Variants in HS3ST4 observed in about 807,000 individuals in gnomAD.
HS3ST4 encodes heparan sulfate glucosamine 3-O-sulfotransferase 4.
A neutral mutation model predicts 29.2 loss-of-function variants in HS3ST4; 17 were observed. The ratio of observed to expected loss-of-function variants is 0.58; its 90% CI spans 0.40 to 0.87. The LOEUF (loss-of-function observed/expected upper bound fraction) is 0.87. Among genes scored for constraint, HS3ST4 ranks in the 40% least tolerant of loss-of-function variants. The pLI, the probability that HS3ST4 is intolerant of heterozygous loss-of-function variation, is 0.00. For synonymous variants in HS3ST4, 314 were observed against 285.7 expected, an observed-to-expected ratio of 1.10 and a Z score of -1.00; for missense variants, 627 against 634.5, an observed-to-expected ratio of 0.99 and a Z score of 0.13.
intron 1 of HS3ST4, among the ~76,000 whole-genome samples, chr16:25,799,191 T>C (rs1260397083): frequency 6.6e-6 from 1 of 152,178 alleles, no homozygotes; most frequent in East Asian, 1.9e-4. Context: ...TGGAAGTGGA[T>C]GGAGGTGTTG....
chr16:25,967,404 T>A (rs10468239), intron 1 of HS3ST4, among the ~76,000 whole-genome samples: 3 of 151,988 alleles, frequency 2.0e-5, no homozygotes, highest in African/African-American at 7.3e-5. Context: ...TCCGCCCACC[T>A]CAGTCTCCCC....
intron 1 of HS3ST4, among the ~76,000 whole-genome samples, chr16:26,120,065 G>GTA (rs58484163): frequency 0.26 from 34,804 of 133,870 alleles, 4,020 homozygotes; most frequent in South Asian, 0.35. Flanking sequence ...GTGTGTGTGT[G>GTA]TGTGTATGTG....
intron 1 of HS3ST4, among the ~76,000 whole-genome samples, chr16:25,976,137 T>A (rs1029104832): frequency 6.6e-6 from 1 of 152,228 alleles, no homozygotes; most frequent in African/African-American, 2.4e-5. Flanking sequence ...GCAATGAATT[T>A]TAAACATTTG....
chr16:25,734,929 A>G (rs754234307), intron 1 of HS3ST4, among the ~76,000 whole-genome samples: 1 of 152,194 alleles, frequency 6.6e-6, no homozygotes, highest in Non-Finnish European at 1.5e-5. Context: ...CACCTGTGCC[A>G]GGCTGTGAGT....
intron 1 of HS3ST4, among the ~76,000 whole-genome samples, chr16:25,828,301 C>T (rs1048388252): frequency 0.11 from 3,534 of 32,486 alleles, 293 homozygotes; most frequent in Middle Eastern, 0.14. Context: ...TCTTTCTTTC[C>T]CTCTCTCTCT....
chr16:25,692,594 G>A lies in HS3ST4; in HGVS notation c.177G>A (p.Leu59=). Residue 59 remains leucine (L), a synonymous_variant, in exon 1 of 2, where the codon CTG becomes CTA. Transcript: ENST00000331351. ...CYSLLGGSGS[L]QFPLALQESP... is the part of the protein sequence containing the mutation. ...GCCTCCTGGGCGGCTCGGGCTCCCT[G>A]CAATTCCCTCTGGCGCTGCAGGAGT... 1 of 1,411,564 alleles carries A rather than the reference G, an allele frequency of 7.1e-7. No individual in the cohort carries two copies. The highest frequency in any genetic ancestry group is 1.4e-5 in the South Asian group (1 of 72,738). The allele number at this position is 1,411,564 out of a possible 1,614,324, so 87.4% of individuals were successfully genotyped here.
At chr16:25,904,107 A>AATGGATGGATGGATGG (rs146106307) in intron 1 of HS3ST4, among the ~76,000 whole-genome samples, 1 of 142,482 alleles carries the variant, frequency 7.0e-6, no homozygotes, top group Non-Finnish European at 1.5e-5. Flanking sequence ...TGAATGGATG[A>AATGGATGGATGGATGG]ATGGATGGAT....
chr16:25,779,909 G>A (rs1285239852), intron 1 of HS3ST4, among the ~76,000 whole-genome samples: 5 of 152,200 alleles, frequency 3.3e-5, no homozygotes, highest in Non-Finnish European at 7.3e-5. Context: ...GGCACGCTGC[G>A]GATTTATGGC....
chr16:25,914,005 G>A (rs1488486988), intron 1 of HS3ST4, among the ~76,000 whole-genome samples: 1 of 148,082 alleles, frequency 6.8e-6, no homozygotes, highest in Non-Finnish European at 1.5e-5. Context: ...GGAGGTGTAT[G>A]TGTGTGTATG....
intron 1 of HS3ST4, among the ~76,000 whole-genome samples, chr16:25,850,001 C>CT (rs11342321): frequency 0.29 from 38,503 of 133,742 alleles, 5,855 homozygotes; most frequent in Admixed American, 0.33. Flanking sequence ...GCCTAGATGC[C>CT]TTTTTTTTTT....
intron 1 of HS3ST4, among the ~76,000 whole-genome samples, chr16:25,859,770 A>G (rs981476163): frequency 1.1e-4 from 17 of 152,206 alleles, no homozygotes; most frequent in African/African-American, 4.1e-4. Context: ...GATGTTCCCC[A>G]TCATATGTCA....
chr16:26,103,038 T>C (rs1274400849), intron 1 of HS3ST4, among the ~76,000 whole-genome samples: 2 of 152,094 alleles, frequency 1.3e-5, no homozygotes, highest in African/African-American at 4.8e-5. Context: ...AATGAACATA[T>C]CACTTTAGCT....
chr16:25,929,883 T>C (rs1968446194), intron 1 of HS3ST4, among the ~76,000 whole-genome samples: 1 of 152,210 alleles, frequency 6.6e-6, no homozygotes, highest in South Asian at 2.1e-4. Context: ...TTTTGTTGTA[T>C]GGATTATTTT....
At chr16:25,978,763 A>G (rs1186506026) in intron 1 of HS3ST4, among the ~76,000 whole-genome samples, 2 of 152,110 alleles carry the variant, frequency 1.3e-5, no homozygotes, top group Admixed American at 6.6e-5. Context: ...CTTCCTATCG[A>G]TCAGAAACAG....
chr16:25,920,755 G>A (rs1322311051), intron 1 of HS3ST4, among the ~76,000 whole-genome samples: 1 of 151,248 alleles, frequency 6.6e-6, no homozygotes, highest in Admixed American at 6.6e-5. Flanking sequence ...GCATGCACCA[G>A]CATGCCTGGC....
chr16:25,761,241 A>G (rs1434754201), intron 1 of HS3ST4, among the ~76,000 whole-genome samples: 1 of 152,152 alleles, frequency 6.6e-6, no homozygotes, highest in Admixed American at 6.6e-5. Context: ...CACAGCTGCC[A>G]TCCAATTCAC....
chr16:25,932,406 T>C (rs1178244320), intron 1 of HS3ST4, among the ~76,000 whole-genome samples: 1 of 152,216 alleles, frequency 6.6e-6, no homozygotes, highest in Non-Finnish European at 1.5e-5. Flanking sequence ...TGAAGCAGTT[T>C]GCTACTTATT....
chr16:25,849,292 A>G (rs1355448367), intron 1 of HS3ST4, among the ~76,000 whole-genome samples: 1 of 152,208 alleles, frequency 6.6e-6, no homozygotes, highest in African/African-American at 2.4e-5. Flanking sequence ...GTATTTATGT[A>G]TATACATGTA....
intron 1 of HS3ST4, among the ~76,000 whole-genome samples, chr16:26,094,437 A>C (rs1328231040): frequency 6.6e-6 from 1 of 152,214 alleles, no homozygotes; most frequent in Non-Finnish European, 1.5e-5. Context: ...CCTACAAGCC[A>C]GAAGAGAGTG....
Sources: gnomAD v4.1 joint callset for allele counts (sites outside exome capture counted in the v4.1 genomes callset) on GRCh38, gnomAD v4.1.1 for gene constraint, MANE v1.5 for transcripts, NCBI Gene and HGNC (gene_info 2026-07-23, HGNC 2026-07-21) for gene names.